The following RFX3 variants were observed in gnomAD, a reference collection of about 807,000 sequenced individuals.
RFX3 encodes transcription factor RFX3.
Under a neutral mutation model 98.6 loss-of-function variants are expected in RFX3, and 14 were observed. The ratio of observed to expected loss-of-function variants is 0.14; its 90% CI spans 0.09 to 0.22. RFX3 has a LOEUF of 0.22. Among genes scored for constraint, RFX3 ranks in the 10% least tolerant of loss-of-function variants. RFX3 has a pLI of 1.00. For synonymous variants in RFX3, 383 were observed against 328.4 expected, an observed-to-expected ratio of 1.17 and a Z score of -1.80; for missense variants, 639 against 926.9, an observed-to-expected ratio of 0.69 and a Z score of 4.03.
At chr9:3,385,135 C>G (rs1202243554) in intron 2 of RFX3, among the ~76,000 whole-genome samples, 1 of 152,084 alleles carries the variant, frequency 6.6e-6, no homozygotes, top group East Asian at 1.9e-4. Flanking sequence ...TTTGCTATGG[C>G]AAAAGGGTAG....
At chr9:3,451,828 T>C (rs943811100) in intron 1 of RFX3, among the ~76,000 whole-genome samples, 2 of 151,740 alleles carry the variant, frequency 1.3e-5, no homozygotes, top group African/African-American at 4.9e-5. Context: ...AGATGTATTT[T>C]AAAAGTTTTT....
At chr9:3,463,048 A>G (rs1847849165) in intron 1 of RFX3, among the ~76,000 whole-genome samples, 1 of 152,170 alleles carries the variant, frequency 6.6e-6, no homozygotes, top group African/African-American at 2.4e-5. Flanking sequence ...GCTTTTAAAA[A>G]TGTATATGAA....
chr9:3,456,663 A>T (rs962193026), intron 1 of RFX3, among the ~76,000 whole-genome samples: 10 of 152,178 alleles, frequency 6.6e-5, no homozygotes, highest in Non-Finnish European at 1.2e-4. Context: ...CTAACTCCTA[A>T]TTTGGCCATC....
At chr9:3,259,966 G>T (rs1321858369) in intron 13 of RFX3, among the ~76,000 whole-genome samples, 1 of 151,892 alleles carries the variant, frequency 6.6e-6, no homozygotes, top group African/African-American at 2.4e-5. Context: ...ATAGAAGCTG[G>T]GACGACTTCC....
At chr9:3,239,683 A>C (rs1028777273) in intron 15 of RFX3, among the ~76,000 whole-genome samples, 1 of 152,212 alleles carries the variant, frequency 6.6e-6, no homozygotes, top group African/African-American at 2.4e-5. Context: ...GGAGCATTTA[A>C]CACCACCATT....
At position 3,231,450 on chromosome 9, in the gene RFX3, G is replaced by C. The variant is rs147520518; in HGVS notation, c.1969-2561C>G. Among the ~76,000 whole-genome samples, 37 of 152,218 alleles carry C rather than the reference G, an allele frequency of 2.4e-4. No individual in the cohort carries two copies. The East Asian group carries it at 6.0e-3, about 25-fold the overall frequency. On this transcript the variant is annotated intron_variant, in intron 15 of 16. Transcript: ENST00000617270. The stretch of plus-strand genomic sequence containing the variant: ...TTTATTGAGGATTTACTACTTGCCA[G>C]GCACTATGCCAGCCAATTCTAGTCA...
chr9:3,309,067 T>G (rs1249407575), intron 4 of RFX3, among the ~76,000 whole-genome samples: 1 of 152,092 alleles, frequency 6.6e-6, no homozygotes, highest in Non-Finnish European at 1.5e-5. Context: ...ATACAAACAA[T>G]CACCTGGCCT....
intron 7 of RFX3, among the ~76,000 whole-genome samples, chr9:3,279,777 A>G (rs997629863): frequency 4.0e-5 from 6 of 151,842 alleles, no homozygotes; most frequent in African/African-American, 1.4e-4. Flanking sequence ...AAAGTTCCTA[A>G]TGAAAGGAGA....
chr9:3,501,554 CTTTTTTTTTTT>C (rs1051300818), intron 1 of RFX3, among the ~76,000 whole-genome samples: 1 of 122,638 alleles, frequency 8.2e-6, no homozygotes, highest in Non-Finnish European at 1.7e-5. Context: ...TTTTTTCCTT[CTTTTTTTTTTT>C]TTTTTTTTTG....
intron 1 of RFX3, among the ~76,000 whole-genome samples, chr9:3,492,490 C>T (rs900182214): frequency 1.2e-4 from 18 of 152,256 alleles, no homozygotes; most frequent in African/African-American, 1.9e-4. Context: ...CCTTCAGACT[C>T]TACTTCAGCA....
chr9:3,291,051 T>A (rs1827264313), intron 6 of RFX3, among the ~76,000 whole-genome samples: 1 of 152,170 alleles, frequency 6.6e-6, no homozygotes, highest in South Asian at 2.1e-4. Flanking sequence ...GACACAGGGA[T>A]GCAGAAAAAT....
At chr9:3,413,262 A>T (rs1308208778) in intron 1 of RFX3, among the ~76,000 whole-genome samples, 1 of 152,092 alleles carries the variant, frequency 6.6e-6, no homozygotes, top group Non-Finnish European at 1.5e-5. Flanking sequence ...AATGTATACC[A>T]AGTAGAACTC....
At chr9:3,267,676 G>C (rs1445491617) in intron 11 of RFX3, among the ~76,000 whole-genome samples, 1 of 151,840 alleles carries the variant, frequency 6.6e-6, no homozygotes, top group Non-Finnish European at 1.5e-5. Flanking sequence ...GAAATTTCTT[G>C]AGAACTAATC....
chr9:3,384,659 A>T (rs1011747418), intron 2 of RFX3, among the ~76,000 whole-genome samples: 1 of 152,206 alleles, frequency 6.6e-6, no homozygotes, highest in Non-Finnish European at 1.5e-5. Flanking sequence ...GTAAAATGGT[A>T]GGTAAATTCA....
At chr9:3,315,929 C>G (rs1417701481) in intron 4 of RFX3, among the ~76,000 whole-genome samples, 1 of 152,056 alleles carries the variant, frequency 6.6e-6, no homozygotes, top group African/African-American at 2.4e-5. Context: ...GAGTCACAGC[C>G]GAATTCTACT....
chr9:3,305,976 G>T (rs1047989412), intron 4 of RFX3, among the ~76,000 whole-genome samples: 1 of 152,074 alleles, frequency 6.6e-6, no homozygotes, highest in Non-Finnish European at 1.5e-5. Flanking sequence ...CATGCTTCCA[G>T]TTTATTGTGG....
intron 7 of RFX3, among the ~76,000 whole-genome samples, chr9:3,286,129 A>C (rs1367830615): frequency 6.6e-6 from 1 of 151,822 alleles, no homozygotes; most frequent in Non-Finnish European, 1.5e-5. Flanking sequence ...TTCTGAAGCA[A>C]ACTTTCTTTT....
At chr9:3,338,962 G>T (rs975771439) in intron 3 of RFX3, among the ~76,000 whole-genome samples, 1 of 151,946 alleles carries the variant, frequency 6.6e-6, no homozygotes, top group Non-Finnish European at 1.5e-5. Context: ...GGTGGCGTGT[G>T]GCTGCAGTCC....
At chr9:3,348,444 C>T (rs1834703149) in intron 2 of RFX3, among the ~76,000 whole-genome samples, 1 of 151,318 alleles carries the variant, frequency 6.6e-6, no homozygotes, top group African/African-American at 2.4e-5. Context: ...TATTAGTAGC[C>T]ATTGATGATC....
Sources: allele counts gnomAD v4.1 joint callset (sites outside exome capture counted in the v4.1 genomes callset), GRCh38; gene constraint gnomAD v4.1.1; transcripts MANE v1.5; gene names NCBI Gene and HGNC (gene_info 2026-07-23, HGNC 2026-07-21).